Variants in PTPRD observed in about 807,000 individuals in gnomAD.
PTPRD encodes the protein receptor-type tyrosine-protein phosphatase delta.
Under a neutral mutation model 214.5 loss-of-function variants are expected in PTPRD, and 34 were observed. The observed-to-expected ratio is 0.16, with a 90% CI of 0.12 to 0.21. PTPRD has a LOEUF of 0.21. Ranked by LOEUF, PTPRD falls within the 10% of genes least tolerant of loss-of-function variation. The pLI is 1.00. For synonymous variants in PTPRD, 1,128 were observed against 845.7 expected (o/e 1.33, Z -5.79); for missense variants, 2,545 against 2,398.7 (o/e 1.06, Z -1.27).
chr9:10,591,473 A>C (rs898204319), intron 2 of PTPRD, among the ~76,000 whole-genome samples: 4 of 152,096 alleles, frequency 2.6e-5, no homozygotes, highest in Non-Finnish European at 5.9e-5. Context: ...GATTTCATAA[A>C]GAATTCAAGG....
At chr9:10,454,931 T>G (rs1452349868) in intron 2 of PTPRD, among the ~76,000 whole-genome samples, 1 of 151,598 alleles carries the variant, frequency 6.6e-6, no homozygotes, top group Admixed American at 6.6e-5. Context: ...GTTCAAAACC[T>G]CAGTAACAGG....
At chr9:9,695,334 C>T (rs892925092) in intron 7 of PTPRD, among the ~76,000 whole-genome samples, 1 of 152,114 alleles carries the variant, frequency 6.6e-6, no homozygotes, top group Non-Finnish European at 1.5e-5. Flanking sequence ...AGACAAAGTT[C>T]TCTTCACTCT....
At chr9:9,651,912 G>T (rs2096368851) in intron 7 of PTPRD, among the ~76,000 whole-genome samples, 1 of 138,584 alleles carries the variant, frequency 7.2e-6, no homozygotes, top group African/African-American at 2.7e-5. Context: ...TTGGCTCACT[G>T]CAAGTTCCGT....
chr9:8,752,683 C>T (rs1251316816), intron 11 of PTPRD, among the ~76,000 whole-genome samples: 1 of 152,072 alleles, frequency 6.6e-6, no homozygotes, highest in Non-Finnish European at 1.5e-5. Flanking sequence ...GATGAAAGAC[C>T]ATGGGGAGCA....
chr9:8,654,847 A>C (rs2096878706), intron 12 of PTPRD, among the ~76,000 whole-genome samples: 1 of 152,172 alleles, frequency 6.6e-6, no homozygotes, highest in African/African-American at 2.4e-5. Flanking sequence ...AAGACCATTA[A>C]CTTGCCAGAA....
intron 10 of PTPRD, among the ~76,000 whole-genome samples, chr9:9,052,233 G>T (rs1345116254): frequency 6.6e-6 from 1 of 152,072 alleles, no homozygotes; most frequent in South Asian, 2.1e-4. Context: ...TGAGGGTTCT[G>T]CCCTTATTAT....
chr9:8,478,632 G>C lies in PTPRD; in HGVS notation c.3413+5487C>G, dbSNP rs556388008. Among the ~76,000 whole-genome samples the C allele has an allele frequency of 1.0e-3, 154 of 152,190 alleles. 1 individual carries two copies. Among genetic ancestry groups the C allele is most frequent in the Non-Finnish European group, 1.9e-3 (127 of 68,028 alleles). ...GAACAACAGTAGCACTGCTAGATCT[G>C]ACTGGCATTCTGCTCCCCAAATCTA... On this transcript the variant is annotated intron_variant, in intron 30 of 45. Transcript: ENST00000381196.
chr9:8,340,012 T>C (rs1850962793), intron 42 of PTPRD, among the ~76,000 whole-genome samples: 1 of 152,056 alleles, frequency 6.6e-6, no homozygotes, highest in Non-Finnish European at 1.5e-5. Context: ...TGATGGCACA[T>C]CAAACTCTAG....
At chr9:8,975,787 C>T (rs781321156) in intron 11 of PTPRD, among the ~76,000 whole-genome samples, 1 of 149,232 alleles carries the variant, frequency 6.7e-6, no homozygotes, top group African/African-American at 2.5e-5. Flanking sequence ...ATTGAGAAAC[C>T]ATATATATAT....
At chr9:10,593,943 A>G (rs1473001122) in intron 2 of PTPRD, among the ~76,000 whole-genome samples, 2 of 151,996 alleles carry the variant, frequency 1.3e-5, no homozygotes, top group Admixed American at 6.6e-5. Flanking sequence ...ATGCCATTAC[A>G]GTTTTCTGCT....
At chr9:9,065,477 TGGG>T (rs1215916876) in intron 10 of PTPRD, among the ~76,000 whole-genome samples, 2 of 152,034 alleles carry the variant, frequency 1.3e-5, no homozygotes, top group Non-Finnish European at 2.9e-5. Context: ...CATAGGGAAG[TGGG>T]AGTAAGATAC....
At chr9:10,018,343 T>C (rs901858749) in intron 4 of PTPRD, among the ~76,000 whole-genome samples, 1 of 152,108 alleles carries the variant, frequency 6.6e-6, no homozygotes, top group Non-Finnish European at 1.5e-5. Context: ...AGCCGTCAGA[T>C]ACAGGCAGAC....
intron 11 of PTPRD, among the ~76,000 whole-genome samples, chr9:8,782,520 T>G (rs2154494734): frequency 6.6e-6 from 1 of 152,074 alleles, no homozygotes; most frequent in South Asian, 2.1e-4. Flanking sequence ...CCAAACACCC[T>G]TTTCAAGGTA....
intron 5 of PTPRD, among the ~76,000 whole-genome samples, chr9:9,772,939 C>T (rs2098764724): frequency 1.3e-5 from 2 of 152,152 alleles, no homozygotes; most frequent in South Asian, 2.1e-4. Context: ...CATTTCAGTA[C>T]TATTTATGCT....
rs147950240 is a variant in PTPRD at position 8,644,685 on chromosome 9, C to A, written c.65-7841G>T. 1.8e-3 allele frequency among the ~76,000 whole-genome samples: 279 copies of A among 152,296 alleles called. 2 individuals carry two copies. Among genetic ancestry groups the A allele is most frequent in the African/African-American group, 6.4e-3 (267 of 41,568 alleles). ...AGCCAGGGAAGCTGCTGTGGTGCTC[C>A]TGGTCCAACCGCTGCCTCACGGAGA... On this transcript the variant is annotated intron_variant, in intron 12 of 45. Coordinates refer to ENST00000381196, the MANE Select transcript of PTPRD (RefSeq NM_002839.4).
chr9:9,256,034 T>C (rs144912234), intron 9 of PTPRD, among the ~76,000 whole-genome samples: 2 of 152,172 alleles, frequency 1.3e-5, no homozygotes, highest in Admixed American at 1.3e-4. Context: ...CATAACTTTA[T>C]TGAACTTTAG....
intron 5 of PTPRD, among the ~76,000 whole-genome samples, chr9:9,784,361 C>G (rs568485426): frequency 3.9e-5 from 6 of 152,058 alleles, no homozygotes; most frequent in South Asian, 2.1e-4. Context: ...TTTTATTTAA[C>G]CTTGCAAGCT....
intron 9 of PTPRD, among the ~76,000 whole-genome samples, chr9:9,384,341 G>A (rs1387194025): frequency 1.1e-4 from 5 of 47,184 alleles, no homozygotes; most frequent in Non-Finnish European, 1.7e-4. Flanking sequence ...CAGAAGACTA[G>A]GCTTTTTTTT....
At chr9:10,575,060 C>T (rs2068762578) in intron 2 of PTPRD, among the ~76,000 whole-genome samples, 1 of 151,866 alleles carries the variant, frequency 6.6e-6, no homozygotes, top group African/African-American at 2.4e-5. Context: ...TTTTTCACAT[C>T]ATGATGAGAT....
Sources: allele counts gnomAD v4.1 joint callset (sites outside exome capture counted in the v4.1 genomes callset), GRCh38; gene constraint gnomAD v4.1.1; transcripts MANE v1.5; gene names NCBI Gene and HGNC (gene_info 2026-07-23, HGNC 2026-07-21).